The following CERS1 variants were observed in gnomAD, a reference collection of about 807,000 sequenced individuals.
CERS1 encodes Embryonic growth/differentiation factor 1.
A neutral mutation model predicts 35.7 loss-of-function variants in CERS1; 16 were observed. That is an observed-to-expected ratio of 0.45 (90% CI 0.30 to 0.68). The LOEUF is 0.68. CERS1 is among the 30% of genes least tolerant of loss of function. The pLI is 0.08. For synonymous variants in CERS1, 243 were observed against 201.6 expected (o/e 1.21, Z -1.74); for missense variants, 454 against 453.9 (o/e 1.00, Z 0.00).
intron 3 of CERS1, chr19:18,881,702 G>C (rs577274125): frequency 6.6e-6 from 1 of 152,294 alleles, no homozygotes; most frequent in African/African-American, 2.4e-5. Context: ...TCCTTTGCAC[G>C]TGCTGTCCCC....
chr19:18,894,092 C>T (rs993965187), intron 1 of CERS1, among the ~76,000 whole-genome samples: 20 of 130,206 alleles, frequency 1.5e-4, no homozygotes, highest in Admixed American at 2.3e-4. Flanking sequence ...GTGGCGGGGA[C>T]ATGGGAACCT....
At position 18,868,611 on chromosome 19, in the gene CERS1, A is replaced by G; in HGVS notation, c.*1374T>C. The G allele has an allele frequency of 6.4e-7, 1 of 1,562,090 alleles. No homozygotes were observed. The highest frequency in any genetic ancestry group is 8.7e-7 in the Non-Finnish European group (1 of 1,153,372). Reference sequence around the variant, plus strand: ...CCCGCCCCGGGTTAGCGGCAGCCGCACTCGTCCACCACCATGTCCTCATAC... The same window carrying G: ...CCCGCCCCGGGTTAGCGGCAGCCGCGCTCGTCCACCACCATGTCCTCATAC... On this transcript the variant is annotated 3_prime_UTR_variant, in exon 8 of 8. Transcript: ENST00000623882.
rs926522418 is a variant in CERS1, at chr19:18,887,954, G to A, written c.410-3687C>T. On this transcript the variant is annotated intron_variant, in intron 2 of 7. Coordinates refer to ENST00000623882, the MANE Select transcript of CERS1 (RefSeq NM_021267.5). ...CCTGGCACCCCCCATCCCACTTTCT[G>A]TCTCTATGAGTGGGATGACTGTAGG... 1.4e-4 allele frequency among the ~76,000 whole-genome samples: 21 copies of A among 151,882 alleles called. 1 individual carries two copies. Among genetic ancestry groups the A allele is most frequent in the Admixed American group, 1.1e-3 (17 of 15,242 alleles).
rs1250812564 is a variant in CERS1, at chr19:18,868,836, TG to T, written c.*1148del. The T allele has an allele frequency of 1.2e-5, 18 of 1,454,010 alleles. No homozygotes were observed. The highest frequency in any genetic ancestry group is 1.5e-5 in the Non-Finnish European group (16 of 1,094,172). The allele number at this position is 1,454,010 out of a possible 1,614,324, so 90.1% of individuals were successfully genotyped here. A position where few individuals can be genotyped will look rare whatever the true frequency, so the allele number is the denominator to read the frequency against. On this transcript the variant is annotated 3_prime_UTR_variant, in exon 8 of 8. Transcript: ENST00000623882. Reference sequence around the variant, plus strand: ...AGCGCGCACTGACCCTGGCAGTAGTTGGCCAGGAAGCCGCGCGGCGCGATGA... The same window carrying T: ...AGCGCGCACTGACCCTGGCAGTAGTTGCCAGGAAGCCGCGCGGCGCGATGA...
chr19:18,887,070 A>G (rs2146044863), intron 2 of CERS1, among the ~76,000 whole-genome samples: 1 of 152,382 alleles, frequency 6.6e-6, no homozygotes, highest in East Asian at 1.9e-4. Context: ...GTCCCTGTCT[A>G]CAGCAGCACA....
chr19:18,890,850 G>A (rs764813812), intron 2 of CERS1, among the ~76,000 whole-genome samples: 4 of 151,522 alleles, frequency 2.6e-5, no homozygotes, highest in African/African-American at 4.9e-5. Context: ...GAGGCTGGGC[G>A]TGGTGGCTCA....
intron 3 of CERS1, among the ~76,000 whole-genome samples, chr19:18,882,745 T>A (rs958328006): frequency 6.6e-6 from 1 of 151,944 alleles, no homozygotes; most frequent in African/African-American, 2.4e-5. Flanking sequence ...CAGGCTGGAG[T>A]GCAGTGGCAT....
At chr19:18,893,596 G>T in intron 1 of CERS1, 21 bp from the exon 2 acceptor site, 1 of 1,595,836 alleles carries the variant, frequency 6.3e-7, no homozygotes, top group East Asian at 2.3e-5. Context: ...GAAGACAGGC[G>T]GGCAGCCATT....
rs763116442 is a variant in CERS1 at position 18,884,137 on chromosome 19, C to T, written c.540G>A (p.Leu180=). The T allele has an allele frequency of 6.2e-7, 1 of 1,613,516 alleles. No individual in the cohort carries two copies. Among genetic ancestry groups the T allele is most frequent in the Non-Finnish European group, 8.5e-7 (1 of 1,179,782 alleles). Residue 180 remains leucine, a synonymous_variant, in exon 3 of 8, where the codon CTG becomes CTA. Transcript: ENST00000623882. Reference sequence around the variant, plus strand: ...GGATGAGAGTGACCACGTGGTGGAGCAGCATGACCACCGAGTCCTTGCGCC... The same window carrying T: ...GGATGAGAGTGACCACGTGGTGGAGTAGCATGACCACCGAGTCCTTGCGCC... ...DTWRKDSVVM[L]LHHVVTLILI...
rs2056111923 is a variant in CERS1 at position 18,878,670 on chromosome 19, G to A, written c.1010+260C>T. The A allele has an allele frequency of 3.8e-6, 5 of 1,300,596 alleles. No individual in the cohort carries two copies. In the Admixed American group the frequency reaches 1.0e-4, roughly 26 times the overall value. 80.6% of individuals were successfully genotyped at this position (1,300,596 alleles called of 1,614,324 possible). ...CACCAGCCACTAGGCCTGGCCCTCA[G>A]TGTCCCTACCGCTGAGACCCTGCCT... On this transcript the variant is annotated intron_variant, in intron 6 of 7. Coordinates refer to ENST00000623882, the MANE Select transcript of CERS1 (RefSeq NM_021267.5). This position sits in a 1 kb window ranked among gnomAD's most constrained non-coding sequence, Gnocchi z 4.6.
chr19:18,879,192 G>A, intron 5 of CERS1, 49 bp downstream of exon 5: 1 of 1,609,950 alleles, frequency 6.2e-7, no homozygotes, highest in South Asian at 1.1e-5. Context: ...GACAGGGATT[G>A]GGACGAGGAC....
rs537891774 is a variant in CERS1, at chr19:18,870,940, G to A, written c.1011-321C>T. 5.3e-5 allele frequency among the ~76,000 whole-genome samples: 8 copies of A among 152,150 alleles called. No homozygotes were observed. The East Asian group carries it at 1.5e-3, about 29-fold the overall frequency. On this transcript the variant is annotated intron_variant, in intron 6 of 7. Coordinates refer to ENST00000623882, the MANE Select transcript of CERS1 (RefSeq NM_021267.5). The surrounding 1 kb of genome is among the most constrained non-coding windows in gnomAD (Gnocchi z 5.1). The stretch of plus-strand genomic sequence containing the variant: ...GCTGGAGGGCAAAACCCACGTACCG[G>A]CCTGGGCCTGACAACTCCACCGCCT...
intron 3 of CERS1, among the ~76,000 whole-genome samples, 171 bp from the exon 4 acceptor site, chr19:18,880,606 C>T (rs781282231): frequency 2.0e-5 from 3 of 152,038 alleles, no homozygotes; most frequent in Non-Finnish European, 4.4e-5. Context: ...CCAGGATGCC[C>T]TTTCCTCACT....
chr19:18,892,594 A>G (rs2056518844), intron 2 of CERS1, among the ~76,000 whole-genome samples: 1 of 151,956 alleles, frequency 6.6e-6, no homozygotes, highest in African/African-American at 2.4e-5. Flanking sequence ...AGCCTGGGCG[A>G]CAGAGCGAGA....
intron 2 of CERS1, among the ~76,000 whole-genome samples, chr19:18,884,889 T>C (rs1036537560): frequency 5.9e-5 from 9 of 151,666 alleles, no homozygotes; most frequent in African/African-American, 1.9e-4. Context: ...AATTTTTTTG[T>C]ATTTTTAGTA....
intron 5 of CERS1, 101 bp from the exon 6 acceptor site, chr19:18,879,140 C>A: frequency 6.3e-7 from 1 of 1,589,798 alleles, no homozygotes; most frequent in Non-Finnish European, 8.6e-7. Context: ...CACGGGCTGT[C>A]TGCCACCTAA....
At position 18,868,660 on chromosome 19, in the gene CERS1, G is replaced by A. The variant is rs1272027944; in HGVS notation, c.*1325C>T. 1.3e-6 allele frequency: 2 copies of A among 1,575,412 alleles called. No homozygotes were observed. Among genetic ancestry groups the A allele is most frequent in the South Asian group, 2.3e-5 (2 of 86,048 alleles). On this transcript the variant is annotated 3_prime_UTR_variant, in exon 8 of 8. Coordinates refer to ENST00000623882, the MANE Select transcript of CERS1 (RefSeq NM_021267.5). The stretch of plus-strand genomic sequence containing the variant: ...ACTGCCGCAGCACCACGTTGTCGCT[G>A]TTGTCAAAGAAGAGCACGGAGATGG...
At position 18,868,913 on chromosome 19, in the gene CERS1, C is replaced by A; in HGVS notation, c.*1072G>T. 7.3e-7 allele frequency: 1 copy of A among 1,370,566 alleles called. No individual in the cohort carries two copies. The highest frequency in any genetic ancestry group is 9.5e-7 in the Non-Finnish European group (1 of 1,052,704). The allele number at this position is 1,370,566 out of a possible 1,614,324, so 84.9% of individuals were successfully genotyped here. On this transcript the variant is annotated 3_prime_UTR_variant, in exon 8 of 8. Transcript: ENST00000623882. Reference sequence around the variant, plus strand: ...GAAGCTCACGTACAGCCGCCGCGCGCGACAAGCGCCCCCGGGGCCGCCGCC... The same window carrying A: ...GAAGCTCACGTACAGCCGCCGCGCGAGACAAGCGCCCCCGGGGCCGCCGCC...
At chr19:18,874,864 C>T (rs999171575) in intron 6 of CERS1, among the ~76,000 whole-genome samples, 1 of 152,112 alleles carries the variant, frequency 6.6e-6, no homozygotes, top group Non-Finnish European at 1.5e-5. Flanking sequence ...ATTAATTGCT[C>T]TCTGATTTGC....
Sources: gnomAD v4.1 joint callset for allele counts (sites outside exome capture counted in the v4.1 genomes callset) on GRCh38, gnomAD v4.1.1 for gene constraint, Gnocchi (gnomAD v3.1) non-coding constraint, MANE v1.5 for transcripts, NCBI Gene and HGNC (gene_info 2026-07-23, HGNC 2026-07-21) for gene names.